Variants in TJP1 observed in about 807,000 individuals in gnomAD.
TJP1 encodes tight junction protein ZO-1.
TJP1 carries 43 observed loss-of-function variants against 194.2 expected under a neutral mutation model. That is an observed-to-expected ratio of 0.22 (90% CI 0.17 to 0.29). The LOEUF is 0.29. Among genes scored for constraint, TJP1 ranks in the 10% least tolerant of loss-of-function variants. The pLI, the probability that TJP1 is intolerant of heterozygous loss-of-function variation, is 1.00. For synonymous variants in TJP1, 801 were observed against 779.0 expected (o/e 1.03, Z -0.47); for missense variants, 1,971 against 2,185.7 (o/e 0.90, Z 1.96).
intron 8 of TJP1, among the ~76,000 whole-genome samples, chr15:29,753,100 C>T (rs1476988660): frequency 3.9e-5 from 6 of 152,138 alleles, no homozygotes; most frequent in South Asian, 2.1e-4. Flanking sequence ...TAACCACTAA[C>T]GAAAATTTAC....
intron 5 of TJP1, among the ~76,000 whole-genome samples, chr15:29,764,614 T>C (rs2046216818): frequency 6.6e-6 from 1 of 151,560 alleles, no homozygotes; most frequent in Non-Finnish European, 1.5e-5. Context: ...TATTCAGGAG[T>C]GAGGACATTC....
At chr15:29,776,084 T>A (rs2046998207) in intron 2 of TJP1, among the ~76,000 whole-genome samples, 1 of 152,176 alleles carries the variant, frequency 6.6e-6, no homozygotes. Flanking sequence ...CTGTCCATGA[T>A]AATGACTAAC....
intron 2 of TJP1, among the ~76,000 whole-genome samples, chr15:29,895,526 G>C (rs1455798354): frequency 6.6e-6 from 1 of 152,014 alleles, no homozygotes; most frequent in East Asian, 1.9e-4. Flanking sequence ...CATCAGAATT[G>C]CCTTTACAGT....
Position 29,843,336 on chromosome 15 carries a change from CCCA to C in TJP1, c.307-42637_307-42635del, listed in dbSNP as rs543635512. ...CCTGAGTTAGCTGGGATTACAGGTGCCCACCACCACACCTGGCTAATTTTGTAT... is the reference window on the plus strand; with the variant it reads ...CCTGAGTTAGCTGGGATTACAGGTGCCCACCACACCTGGCTAATTTTGTAT... On this transcript the variant is annotated intron_variant, in intron 2 of 28. Coordinates refer to the TJP1 transcript ENST00000356107. 6.7e-3 allele frequency among the ~76,000 whole-genome samples: 1,025 copies of C among 152,090 alleles called. 12 individuals are homozygous for C. The highest frequency in any genetic ancestry group is 0.014 in the Middle Eastern group (4 of 294).
chr15:29,710,939 T>A lies in TJP1; in HGVS notation c.4264A>T (p.Ile1422Phe). The change falls in exon 24 of 28, where the codon ATC (isoleucine) becomes TTC (phenylalanine). Residue 1422 changes from isoleucine (I) to phenylalanine (F), a missense_variant. This residue lies in a region of TJP1 where 1,108 missense variants were observed against 1,128.5 expected (regional missense o/e 0.98). Transcript: ENST00000614355. ...RSFGEKRYEP[I>F]QATPPPPPLP... is the part of the protein sequence containing the mutation. ...GGAGGAGGAGGGGGAGTGGCCTGGA[T>A]GGGTTCATAGCGTTTCTCGCCAAAT... The A allele has an allele frequency of 1.2e-6, 2 of 1,614,108 alleles. No individual in the cohort carries two copies. Among genetic ancestry groups the A allele is most frequent in the Non-Finnish European group, 1.7e-6 (2 of 1,180,014 alleles).
chr15:29,775,935 T>C (rs2046989720), intron 2 of TJP1, among the ~76,000 whole-genome samples: 1 of 152,100 alleles, frequency 6.6e-6, no homozygotes, highest in Non-Finnish European at 1.5e-5. Flanking sequence ...GCGCAAATGA[T>C]TTCCCAGAGA....
At chr15:29,732,210 A>T (rs1373199588) in intron 15 of TJP1, 4 of 548,578 alleles carry the variant, frequency 7.3e-6, no homozygotes, top group Non-Finnish European at 1.3e-5. Flanking sequence ...TGCAATTTTC[A>T]TATGAAGCCA....
At chr15:29,833,881 AT>A (rs10650949) in intron 2 of TJP1, among the ~76,000 whole-genome samples, 9 of 12,616 alleles carry the variant, frequency 7.1e-4, no homozygotes, top group South Asian at 4.0e-3. Context: ...ATATATATAT[AT>A]TTTTTTTTTT....
At chr15:29,769,088 C>G (rs962720575) in intron 4 of TJP1, among the ~76,000 whole-genome samples, 2 of 152,096 alleles carry the variant, frequency 1.3e-5, no homozygotes, top group Non-Finnish European at 1.5e-5. Context: ...AACTTACAAG[C>G]ATTCACAAAA....
chr15:29,751,735 G>C (rs150576201), intron 8 of TJP1, among the ~76,000 whole-genome samples: 2 of 152,070 alleles, frequency 1.3e-5, no homozygotes, highest in African/African-American at 2.4e-5. Context: ...ATCTTATTAG[G>C]ATTCTCTCAG....
In TJP1 at chr15:29,708,882, T is replaced by A. The variant is rs374963098; in HGVS notation, c.4527A>T (p.Pro1509=). ...YPQKSFPDKA[P]VNGTEQTQKT... ...TCTGAGTCTGTTCAGTTCCATTAAC[T>A]GGGGCTTTATCTGGAAAACTTTTCT... Residue 1509 remains proline (P), a synonymous_variant, in exon 25 of 28, where the codon CCA becomes CCT. Coordinates refer to ENST00000614355, the MANE Select transcript of TJP1 (RefSeq NM_001330239.4). 9 of 1,614,066 alleles carry A rather than the reference T, an allele frequency of 5.6e-6. No homozygotes were observed. In the African/African-American group the frequency reaches 8.0e-5, roughly 14 times the overall value.
upstream of TJP1, chr15:29,822,588 GC>G: frequency 1.5e-6 from 1 of 655,374 alleles, no homozygotes; most frequent in Non-Finnish European, 1.9e-6. Flanking sequence ...GGCGGGACGA[GC>G]GGCCGGGGTC....
chr15:29,833,879 A>ATTTTTTTTTT (rs1460129845), intron 2 of TJP1, among the ~76,000 whole-genome samples: 1 of 13,788 alleles, frequency 7.3e-5, no homozygotes, highest in African/African-American at 2.5e-4. Context: ...ATATATATAT[A>ATTTTTTTTTT]TATTTTTTTT....
intron 2 of TJP1, among the ~76,000 whole-genome samples, chr15:29,949,159 T>TCC (rs2055405619): frequency 2.0e-5 from 1 of 50,566 alleles, no homozygotes; most frequent in African/African-American, 7.7e-5. Context: ...CCTCCACTAC[T>TCC]ACCTCCACCA....
intron 24 of TJP1, among the ~76,000 whole-genome samples, chr15:29,709,567 A>G (rs1465908695): frequency 6.6e-6 from 1 of 152,196 alleles, no homozygotes; most frequent in Non-Finnish European, 1.5e-5. Context: ...TATTAATCCA[A>G]ATACCTCATG....
At position 29,700,749 on chromosome 15, in the gene TJP1, AAAG is replaced by A. The variant is rs1375021222; in HGVS notation, c.*843_*845del. 3.8e-6 allele frequency: 1 copy of A among 264,660 alleles called. No homozygotes were observed. 16.4% of individuals were successfully genotyped at this position (264,660 alleles called of 1,614,324 possible). A position where few individuals can be genotyped will look rare whatever the true frequency, so the allele number is the denominator to read the frequency against. On this transcript the variant is annotated 3_prime_UTR_variant, in exon 28 of 28. Transcript: ENST00000614355. ...AAAAAAAAAAAAAGAAAAGAAAAGA[AAAG>A]AAAAAAATATCCCCAAATCACACCA...
chr15:29,832,768 T>C (rs935854480), intron 2 of TJP1, among the ~76,000 whole-genome samples: 6 of 152,266 alleles, frequency 3.9e-5, no homozygotes, highest in African/African-American at 1.4e-4. Flanking sequence ...AGAACTTTTT[T>C]TCCTTGGAAG....
In TJP1 at chr15:29,847,714, G is replaced by A. The variant is rs534321356; in HGVS notation, c.307-47012C>T. The stretch of plus-strand genomic sequence containing the variant: ...GTAGGAGAATGGTGTGAACCCGGGA[G>A]GCGGAGGTTGCAGTGAGCAGAGATC... On this transcript the variant is annotated intron_variant, in intron 2 of 28. Coordinates refer to the TJP1 transcript ENST00000356107. Among the ~76,000 whole-genome samples the A allele has an allele frequency of 2.2e-4, 33 of 152,276 alleles. 2 individuals carry two copies. Among genetic ancestry groups the A allele is most frequent in the African/African-American group, 7.9e-4 (33 of 41,570 alleles).
chr15:29,718,013 G>A lies in TJP1; in HGVS notation c.3974+8C>T, dbSNP rs529226465. The A allele has an allele frequency of 2.3e-5, 37 of 1,603,980 alleles. No homozygotes were observed. In the East Asian group the frequency reaches 7.1e-4, roughly 31 times the overall value. On this transcript the variant is annotated splice_region_variant and intron_variant, in intron 22 of 27. Coordinates refer to ENST00000614355, the MANE Select transcript of TJP1 (RefSeq NM_001330239.4). Reference sequence around the variant, plus strand: ...TTCTATGCCACAAAGAGCACAAAGTGTACTCACCTGTACAGAGTTTTGTCA... The same window carrying A: ...TTCTATGCCACAAAGAGCACAAAGTATACTCACCTGTACAGAGTTTTGTCA...
Sources: gnomAD v4.1 joint callset for allele counts (sites outside exome capture counted in the v4.1 genomes callset) on GRCh38, gnomAD v4.1.1 for gene constraint, gnomAD v4.1.1 regional missense constraint, MANE v1.5 for transcripts, NCBI Gene and HGNC (gene_info 2026-07-23, HGNC 2026-07-21) for gene names.